Variants in ACER3 observed in about 807,000 individuals in gnomAD.
The protein encoded by ACER3 is alkCDase 3.
In ACER3, 16 loss-of-function variants were observed where a neutral mutation model predicts 48.9. The observed-to-expected ratio is 0.33, with a 90% confidence interval of 0.22 to 0.50. The LOEUF (loss-of-function observed/expected upper bound fraction) is 0.50, where lower values mean the gene tolerates loss of function less well. Ranked by LOEUF, ACER3 falls within the 20% of genes least tolerant of loss-of-function variation. ACER3 has a pLI of 0.98. For synonymous variants in ACER3, 109 were observed against 107.8 expected (o/e 1.01, Z -0.07); for missense variants, 227 against 326.0 (o/e 0.70, Z 2.34).
chr11:76,902,720 A>T (rs900251219), intron 1 of ACER3, among the ~76,000 whole-genome samples: 1 of 152,208 alleles, frequency 6.6e-6, no homozygotes, highest in Non-Finnish European at 1.5e-5. Flanking sequence ...ACCACAAGAG[A>T]TCACTTTTTA....
At chr11:76,917,550 C>T (rs1409812310) in intron 1 of ACER3, among the ~76,000 whole-genome samples, 3 of 151,098 alleles carry the variant, frequency 2.0e-5, no homozygotes, top group African/African-American at 7.3e-5. Flanking sequence ...CTCGTCAGTA[C>T]AAAAAAACCA....
chr11:76,981,483 G>C (rs1243451202), intron 4 of ACER3, among the ~76,000 whole-genome samples: 2 of 152,198 alleles, frequency 1.3e-5, no homozygotes, highest in African/African-American at 4.8e-5. Context: ...TGGCAAGAAA[G>C]AGAAACAGAA....
At chr11:76,900,093 C>G (rs1226907459) in intron 1 of ACER3, among the ~76,000 whole-genome samples, 1 of 152,114 alleles carries the variant, frequency 6.6e-6, no homozygotes, top group Non-Finnish European at 1.5e-5. Flanking sequence ...CTTTGGGAAG[C>G]CAAGGTGGGA....
At position 76,991,875 on chromosome 11, in the gene ACER3, C is replaced by A. The variant is rs190483845; in HGVS notation, c.438+1301C>A. 2.1e-3 allele frequency among the ~76,000 whole-genome samples: 314 copies of A among 149,070 alleles called. 3 individuals are homozygous for A. Among genetic ancestry groups the A allele is most frequent in the South Asian group, 0.015 (70 of 4,656 alleles). On this transcript the variant is annotated intron_variant, in intron 6 of 10. Coordinates refer to ENST00000532485, the MANE Select transcript of ACER3 (RefSeq NM_018367.7). The stretch of plus-strand genomic sequence containing the variant: ...ATCCTCACTTTCTTGTTTATTGTAA[C>A]TTGAAATGATGCCATTATGTAATTA...
At chr11:76,981,465 TACCC>T (rs1948581565) in intron 4 of ACER3, among the ~76,000 whole-genome samples, 1 of 152,228 alleles carries the variant, frequency 6.6e-6, no homozygotes, top group Non-Finnish European at 1.5e-5. Flanking sequence ...ATTTACCCAT[TACCC>T]TTATGGCAAG....
rs1295344306 is a variant in ACER3, at chr11:77,021,765, T to C, written c.*1438T>C. 6.6e-6 allele frequency: 1 copy of C among 152,216 alleles called. No individual in the cohort carries two copies. Among genetic ancestry groups the C allele is most frequent in the Non-Finnish European group, 1.5e-5 (1 of 68,034 alleles). The allele number at this position is 152,216 out of a possible 1,614,324, so 9.4% of individuals were successfully genotyped here. ...TTTCCAGTATTCAATAAGTAGCCTT[T>C]GTACAAATTTAAAACCAAAAACTAT... On this transcript the variant is annotated 3_prime_UTR_variant, in exon 11 of 11. Coordinates refer to ENST00000532485, the MANE Select transcript of ACER3 (RefSeq NM_018367.7).
At chr11:77,006,051 G>A (rs1423818952) in intron 7 of ACER3, among the ~76,000 whole-genome samples, 3 of 131,918 alleles carry the variant, frequency 2.3e-5, no homozygotes, top group Non-Finnish European at 5.0e-5. Context: ...GTGCAGTGGC[G>A]CGATCTTGGC....
rs1167798934 is a variant in ACER3 at position 76,974,206 on chromosome 11, T to C, written c.268-2083T>C. On this transcript the variant is annotated intron_variant, in intron 3 of 10. Transcript: ENST00000532485. ...TGTTTTAGCTACTGTGGGTCCATTT[T>C]CATATGAATTTTAGGATCAGCTTGT... Among the ~76,000 whole-genome samples the C allele has an allele frequency of 6.6e-5, 10 of 152,218 alleles. No homozygotes were observed. In the East Asian group the frequency reaches 1.5e-3, roughly 23 times the overall value.
intron 1 of ACER3, among the ~76,000 whole-genome samples, chr11:76,899,057 A>C (rs1351303156): frequency 6.6e-6 from 1 of 152,166 alleles, no homozygotes; most frequent in Non-Finnish European, 1.5e-5. Flanking sequence ...AAGACTTTAA[A>C]TTCTGAAAAC....
At chr11:76,996,914 T>C (rs1591048148) in intron 6 of ACER3, among the ~76,000 whole-genome samples, 2 of 151,904 alleles carry the variant, frequency 1.3e-5, no homozygotes, top group South Asian at 4.2e-4. Context: ...TTAGTAGAGA[T>C]GGGGTTTCAC....
chr11:76,984,331 G>A (rs1948645028), intron 4 of ACER3, among the ~76,000 whole-genome samples: 1 of 152,160 alleles, frequency 6.6e-6, no homozygotes, highest in African/African-American at 2.4e-5. Context: ...ACTTGCTTTT[G>A]AATTTGGAAT....
At chr11:76,880,852 A>G (rs1414628476) in intron 1 of ACER3, among the ~76,000 whole-genome samples, 1 of 152,186 alleles carries the variant, frequency 6.6e-6, no homozygotes, top group Non-Finnish European at 1.5e-5. Flanking sequence ...ATGTATGTAT[A>G]CTATCACAGC....
intron 2 of ACER3, among the ~76,000 whole-genome samples, chr11:76,955,202 C>G (rs1947804534): frequency 6.6e-6 from 1 of 152,114 alleles, no homozygotes; most frequent in African/African-American, 2.4e-5. Flanking sequence ...AAAAACACTT[C>G]CTCAAAATAC....
chr11:76,970,289 G>T (rs1948263696), intron 3 of ACER3, among the ~76,000 whole-genome samples: 1 of 151,996 alleles, frequency 6.6e-6, no homozygotes, highest in Non-Finnish European at 1.5e-5. Flanking sequence ...CTTTATTTTT[G>T]GTTTACATAT....
intron 3 of ACER3, among the ~76,000 whole-genome samples, chr11:76,972,884 C>T (rs762275724): frequency 2.0e-5 from 3 of 152,242 alleles, no homozygotes; most frequent in Non-Finnish European, 2.9e-5. Context: ...TGCTGACCCC[C>T]TTCCCAAAGT....
intron 2 of ACER3, among the ~76,000 whole-genome samples, chr11:76,928,810 ATTGGTCTATATCTCTGTT>A (rs1946909830): frequency 6.6e-6 from 1 of 152,042 alleles, no homozygotes; most frequent in African/African-American, 2.4e-5. Flanking sequence ...GTTCTGTTCC[ATTGGTCTATATCTCTGTT>A]TTGGTACCAG....
At chr11:76,953,695 T>A (rs1947754769) in intron 2 of ACER3, among the ~76,000 whole-genome samples, 2 of 152,222 alleles carry the variant, frequency 1.3e-5, no homozygotes, top group South Asian at 4.1e-4. Flanking sequence ...TTTTAAAATG[T>A]ATAGTATCTT....
chr11:76,982,427 G>A (rs539898698), intron 4 of ACER3, among the ~76,000 whole-genome samples: 1 of 152,146 alleles, frequency 6.6e-6, no homozygotes, highest in East Asian at 1.9e-4. Context: ...ATGTTGGCCA[G>A]GATGGTCTCG....
chr11:76,868,694 C>T (rs761830453), intron 1 of ACER3, among the ~76,000 whole-genome samples: 1 of 152,192 alleles, frequency 6.6e-6, no homozygotes, highest in African/African-American at 2.4e-5. Context: ...TCTGAACAGA[C>T]AGGCTTTGCT....
Sources: gnomAD v4.1 joint callset for allele counts (sites outside exome capture counted in the v4.1 genomes callset) on GRCh38, gnomAD v4.1.1 for gene constraint, MANE v1.5 for transcripts, NCBI Gene and HGNC (gene_info 2026-07-23, HGNC 2026-07-21) for gene names.